WDFY4: variants seen among roughly 807,000 people sequenced by gnomAD.
WDFY4 encodes WDFY family member 4, also known as WD repeat- and FYVE domain-containing protein 4.
In WDFY4, 169 loss-of-function variants were observed where a neutral mutation model predicts 351.9. The ratio of observed to expected loss-of-function variants is 0.48; its 90% CI spans 0.42 to 0.55. The LOEUF (loss-of-function observed/expected upper bound fraction) is 0.55. Ranked by LOEUF, WDFY4 falls within the 20% of genes least tolerant of loss-of-function variation. The pLI is 0.00. For synonymous variants in WDFY4, 1,622 were observed against 1,574.6 expected, an observed-to-expected ratio of 1.03 and a Z score of -0.71; for missense variants, 3,803 against 3,935.6, an observed-to-expected ratio of 0.97 and a Z score of 0.90.
intron 44 of WDFY4, 129 bp from the exon 45 acceptor site, chr10:48,897,325 C>A: frequency 7.6e-7 from 1 of 1,321,508 alleles, no homozygotes; most frequent in Non-Finnish European, 1.0e-6. Context: ...TGGCAGTGAC[C>A]ACCGCACTTC....
chr10:48,826,994 G>GTTCTGTATA (rs1427334678), intron 36 of WDFY4, 85 bp downstream of exon 36: 2 of 1,104,464 alleles, frequency 1.8e-6, no homozygotes, highest in African/African-American at 3.1e-5. Flanking sequence ...TGAGGACTGA[G>GTTCTGTATA]TTCTGTATAA....
At chr10:48,755,001 T>G (rs1052964685) in intron 12 of WDFY4, among the ~76,000 whole-genome samples, 1 of 152,180 alleles carries the variant, frequency 6.6e-6, no homozygotes, top group African/African-American at 2.4e-5. Context: ...TTAATTCATG[T>G]GTAGAGTCAC....
intron 51 of WDFY4, among the ~76,000 whole-genome samples, chr10:48,951,417 T>C: frequency 6.6e-6 from 1 of 152,142 alleles, no homozygotes; most frequent in South Asian, 2.1e-4. Context: ...GTAGTTCTTT[T>C]GTTCATTTGT....
chr10:48,861,891 A>G (rs181020612), intron 39 of WDFY4, among the ~76,000 whole-genome samples: 34 of 152,014 alleles, frequency 2.2e-4, no homozygotes, highest in African/African-American at 7.7e-4. Flanking sequence ...TTTCCATTCT[A>G]CTTTCTCACT....
In WDFY4 at chr10:48,727,666, G is replaced by C. The variant is rs780195572; in HGVS notation, c.971+7G>C. ...TGCTCAAAGTGTTACTTCGGTAAGTGGCTGTGTTTGGTACGGGGAGAGCAC... is the reference window on the plus strand; with the variant it reads ...TGCTCAAAGTGTTACTTCGGTAAGTCGCTGTGTTTGGTACGGGGAGAGCAC... On this transcript the variant is annotated splice_region_variant and intron_variant, in intron 7 of 61. Coordinates refer to ENST00000325239, the MANE Select transcript of WDFY4 (RefSeq NM_001394531.1). 9.0e-6 allele frequency: 14 copies of C among 1,551,770 alleles called. 1 individual carries two copies. In the South Asian group the frequency reaches 1.7e-4, roughly 18 times the overall value.
At chr10:48,886,516 G>T (rs1184201191) in intron 43 of WDFY4, among the ~76,000 whole-genome samples, 8 of 152,202 alleles carry the variant, frequency 5.3e-5, no homozygotes, top group Non-Finnish European at 1.2e-4. Context: ...GTGGGATCCT[G>T]ATAAAAAGGA....
chr10:48,837,255 A>G (rs2068433280), intron 39 of WDFY4, among the ~76,000 whole-genome samples: 1 of 151,958 alleles, frequency 6.6e-6, no homozygotes, highest in African/African-American at 2.4e-5. Flanking sequence ...AGGAAGGTCA[A>G]AGCCTGTGCA....
intron 39 of WDFY4, among the ~76,000 whole-genome samples, chr10:48,865,446 A>G (rs1027744174): frequency 2.0e-5 from 3 of 152,150 alleles, no homozygotes; most frequent in Non-Finnish European, 4.4e-5. Flanking sequence ...AATTTTTTAT[A>G]TGTTGGTGGA....
intron 39 of WDFY4, among the ~76,000 whole-genome samples, chr10:48,866,753 C>T (rs1483067072): frequency 6.6e-6 from 1 of 152,210 alleles, no homozygotes; most frequent in Non-Finnish European, 1.5e-5. Flanking sequence ...AACCCATAAA[C>T]ACGTATGTGA....
chr10:48,843,013 G>A lies in WDFY4; in HGVS notation c.6663+10304G>A, dbSNP rs537679930. Among the ~76,000 whole-genome samples, 3 of 152,290 alleles carry A rather than the reference G, an allele frequency of 2.0e-5. No homozygotes were observed. The East Asian group carries it at 5.8e-4, about 29-fold the overall frequency. On this transcript the variant is annotated intron_variant, in intron 39 of 61. Coordinates refer to ENST00000325239, the MANE Select transcript of WDFY4 (RefSeq NM_001394531.1). Reference sequence around the variant, plus strand: ...ATGGTCTGAAAACCCTTCCAACAAGGAAGGCACTGAGGTTATGCAAGCTCC... The same window carrying A: ...ATGGTCTGAAAACCCTTCCAACAAGAAAGGCACTGAGGTTATGCAAGCTCC...
intron 47 of WDFY4, among the ~76,000 whole-genome samples, chr10:48,921,335 A>G (rs1839058185): frequency 6.6e-6 from 1 of 152,164 alleles, no homozygotes; most frequent in South Asian, 2.1e-4. Flanking sequence ...TGGTCAATTG[A>G]TTTTTGAAAA....
chr10:48,843,406 A>G (rs1352811197), intron 39 of WDFY4, among the ~76,000 whole-genome samples: 1 of 152,226 alleles, frequency 6.6e-6, no homozygotes, highest in Non-Finnish European at 1.5e-5. Context: ...CAATTCAACA[A>G]TACATGGAGT....
At chr10:48,781,481 A>G (rs2066223519) in intron 19 of WDFY4, among the ~76,000 whole-genome samples, 1 of 152,064 alleles carries the variant, frequency 6.6e-6, no homozygotes, top group African/African-American at 2.4e-5. Context: ...TTTTTAGTAG[A>G]GACGGGGTTT....
intron 39 of WDFY4, among the ~76,000 whole-genome samples, chr10:48,851,234 G>T (rs1211520851): frequency 1.3e-5 from 2 of 152,158 alleles, no homozygotes; most frequent in Non-Finnish European, 2.9e-5. Context: ...CAAGACTGGG[G>T]GCAGCCGTTG....
chr10:48,709,614 T>G (rs1366471352), intron 1 of WDFY4, 102 bp from the exon 2 acceptor site: 51 of 1,020,596 alleles, frequency 5.0e-5, no homozygotes, highest in Non-Finnish European at 6.4e-5. Flanking sequence ...GGAACCATTT[T>G]CAATAGAAAC....
At chr10:48,752,111 T>C (rs1468599281) in intron 12 of WDFY4, among the ~76,000 whole-genome samples, 3 of 152,210 alleles carry the variant, frequency 2.0e-5, no homozygotes, top group African/African-American at 7.2e-5. Flanking sequence ...TCTGCCATCC[T>C]TGGGATCCAG....
chr10:48,827,026 T>C, intron 36 of WDFY4, 117 bp downstream of exon 36: 1 of 856,426 alleles, frequency 1.2e-6, no homozygotes, highest in Non-Finnish European at 1.8e-6. Context: ...CTTTTGTTTA[T>C]CTGGTCTTCC....
intron 9 of WDFY4, among the ~76,000 whole-genome samples, chr10:48,732,283 G>A (rs1373283499): frequency 1.3e-5 from 2 of 152,122 alleles, no homozygotes; most frequent in Non-Finnish European, 2.9e-5. Context: ...CTTTCTGATA[G>A]GAAGCAAAGT....
chr10:48,910,550 G>A (rs572302933), intron 47 of WDFY4, among the ~76,000 whole-genome samples: 5 of 152,294 alleles, frequency 3.3e-5, no homozygotes, highest in South Asian at 2.1e-4. Context: ...AATAGAATGC[G>A]GAAGATGCCT....
Sources: allele counts gnomAD v4.1 joint callset (sites outside exome capture counted in the v4.1 genomes callset), GRCh38; gene constraint gnomAD v4.1.1; transcripts MANE v1.5; gene names NCBI Gene and HGNC (gene_info 2026-07-23, HGNC 2026-07-21).